CADM1: variants seen among roughly 807,000 people sequenced by gnomAD.
CADM1 encodes the protein TSLC-1.
CADM1 carries 15 observed loss-of-function variants against 53.1 expected under a neutral mutation model. The ratio of observed to expected loss-of-function variants is 0.28; its 90% CI spans 0.19 to 0.44. The LOEUF is 0.44. Among genes scored for constraint, CADM1 ranks in the 20% least tolerant of loss-of-function variants. The probability of loss-of-function intolerance (pLI) is 1.00; values close to 1 mark genes in which losing one functional copy is unlikely to be tolerated. For missense variants in CADM1, 434 were observed against 611.3 expected, an observed-to-expected ratio of 0.71 and a Z score of 3.06; for synonymous variants, 281 against 243.0, an observed-to-expected ratio of 1.16 and a Z score of -1.45.
chr11:115,175,832 T>C lies in CADM1; in HGVS notation c.*642A>G. 1 of 995,560 alleles carries C rather than the reference T, an allele frequency of 1.0e-6. No individual in the cohort carries two copies. Among genetic ancestry groups the C allele is most frequent in the Non-Finnish European group, 1.2e-6 (1 of 836,028 alleles). 61.7% of individuals were successfully genotyped at this position (995,560 alleles called of 1,614,324 possible). A position where few individuals can be genotyped will look rare whatever the true frequency, so the allele number is the denominator to read the frequency against. The stretch of plus-strand genomic sequence containing the variant: ...TTTCTAGTCTTCACTGCTCTAAGTA[T>C]TTGAAACATGGGCAGCAGCAAAGAG... On this transcript the variant is annotated 3_prime_UTR_variant, in exon 12 of 12. Coordinates refer to ENST00000331581, the MANE Select transcript of CADM1 (RefSeq NM_001301043.2).
intron 1 of CADM1, among the ~76,000 whole-genome samples, chr11:115,481,727 C>G (rs1485108802): frequency 1.3e-5 from 2 of 152,154 alleles, no homozygotes; most frequent in African/African-American, 4.8e-5. Context: ...TTAACCTAGA[C>G]TCCTCCTCTT....
At chr11:115,479,088 C>T (rs903419916) in intron 1 of CADM1, among the ~76,000 whole-genome samples, 9 of 152,110 alleles carry the variant, frequency 5.9e-5, no homozygotes, top group Non-Finnish European at 8.8e-5. Flanking sequence ...AAATTATTCA[C>T]TTAGCTTTAA....
intron 1 of CADM1, among the ~76,000 whole-genome samples, chr11:115,413,657 T>TTTTTTTTTTTTTTTTC (rs1565414808): frequency 6.7e-6 from 1 of 150,314 alleles, no homozygotes; most frequent in Non-Finnish European, 1.5e-5. Context: ...TTTTTTTTTT[T>TTTTTTTTTTTTTTTTC]TCTCTGAGAC....
chr11:115,284,524 CAGAA>C, intron 1 of CADM1, among the ~76,000 whole-genome samples: 1 of 148,054 alleles, frequency 6.8e-6, no homozygotes, highest in Non-Finnish European at 1.5e-5. Flanking sequence ...AAAAAAAAAA[CAGAA>C]AGGAAAAACG....
At chr11:115,487,279 G>A (rs1004653342) in intron 1 of CADM1, among the ~76,000 whole-genome samples, 3 of 152,270 alleles carry the variant, frequency 2.0e-5, no homozygotes, top group East Asian at 1.9e-4. Context: ...CCAGATAAAC[G>A]TTATCAAATG....
chr11:115,292,443 A>C (rs931202035), intron 1 of CADM1, among the ~76,000 whole-genome samples: 1 of 152,218 alleles, frequency 6.6e-6, no homozygotes, highest in Non-Finnish European at 1.5e-5. Flanking sequence ...TACATGCCTC[A>C]ACTTCCCTAA....
chr11:115,206,758 C>CTTTGTTTTTTTTTTTTTTT, intron 8 of CADM1, among the ~76,000 whole-genome samples: 1 of 38,232 alleles, frequency 2.6e-5, no homozygotes, highest in Non-Finnish European at 4.5e-5. Flanking sequence ...CTGTGGACTT[C>CTTTGTTTTTTTTTTTTTTT]TTTTTTTTTT....
chr11:115,426,568 C>G (rs1184486593), intron 1 of CADM1, among the ~76,000 whole-genome samples: 1 of 152,172 alleles, frequency 6.6e-6, no homozygotes, highest in Non-Finnish European at 1.5e-5. Flanking sequence ...TGTAGGTGTA[C>G]TTAGCGCAGA....
chr11:115,183,136 G>A (rs1939390125), intron 10 of CADM1, among the ~76,000 whole-genome samples: 1 of 152,200 alleles, frequency 6.6e-6, no homozygotes. Flanking sequence ...AAAGGCAGTA[G>A]TTCCCCAGGG....
At chr11:115,448,252 T>C (rs1235566533) in intron 1 of CADM1, among the ~76,000 whole-genome samples, 2 of 152,188 alleles carry the variant, frequency 1.3e-5, no homozygotes, top group Admixed American at 1.3e-4. Context: ...TGGGCGTATT[T>C]TGACTATCAA....
At chr11:115,448,017 C>A (rs1251846239) in intron 1 of CADM1, among the ~76,000 whole-genome samples, 1 of 152,152 alleles carries the variant, frequency 6.6e-6, no homozygotes, top group Non-Finnish European at 1.5e-5. Flanking sequence ...TATTCCAATA[C>A]CTTGTTACAG....
intron 5 of CADM1, among the ~76,000 whole-genome samples, chr11:115,219,715 T>A (rs765117145): frequency 3.9e-5 from 6 of 152,168 alleles, no homozygotes; most frequent in Non-Finnish European, 5.9e-5. Flanking sequence ...GCTCAAGAGC[T>A]CCTGGGCACC....
At chr11:115,263,934 C>CTA (rs1469778957) in intron 1 of CADM1, among the ~76,000 whole-genome samples, 1 of 152,090 alleles carries the variant, frequency 6.6e-6, no homozygotes. Flanking sequence ...AGTACTATGT[C>CTA]TATATATATC....
At chr11:115,256,114 T>G (rs1253501652) in intron 1 of CADM1, among the ~76,000 whole-genome samples, 1 of 152,206 alleles carries the variant, frequency 6.6e-6, no homozygotes, top group African/African-American at 2.4e-5. Flanking sequence ...ATAAAGCAAG[T>G]GTTCCAAAAT....
intron 1 of CADM1, among the ~76,000 whole-genome samples, chr11:115,394,393 A>C (rs1946935255): frequency 6.6e-6 from 1 of 152,180 alleles, no homozygotes; most frequent in Non-Finnish European, 1.5e-5. Context: ...TTCCTTTATG[A>C]CTTTAGCTTT....
At chr11:115,386,183 G>A (rs1233608507) in intron 1 of CADM1, among the ~76,000 whole-genome samples, 1 of 152,124 alleles carries the variant, frequency 6.6e-6, no homozygotes, top group East Asian at 1.9e-4. Context: ...CCACAAACCC[G>A]TTGTAATTTT....
intron 1 of CADM1, among the ~76,000 whole-genome samples, chr11:115,330,851 G>A (rs988619993): frequency 4.6e-5 from 7 of 152,152 alleles, no homozygotes; most frequent in African/African-American, 1.7e-4. Context: ...TGGGAGCCAG[G>A]AGTCAGTTCA....
intron 1 of CADM1, among the ~76,000 whole-genome samples, chr11:115,319,088 T>C (rs1270511559): frequency 6.6e-6 from 1 of 152,074 alleles, no homozygotes; most frequent in Non-Finnish European, 1.5e-5. Context: ...GGATCCAAGG[T>C]CACTATGGCA....
intron 1 of CADM1, among the ~76,000 whole-genome samples, chr11:115,324,697 G>A (rs1274840523): frequency 6.6e-6 from 1 of 152,166 alleles, no homozygotes; most frequent in Non-Finnish European, 1.5e-5. Flanking sequence ...AAACTGCGAT[G>A]AGGAATGACC....
Sources: allele counts gnomAD v4.1 joint callset (sites outside exome capture counted in the v4.1 genomes callset), GRCh38; gene constraint gnomAD v4.1.1; transcripts MANE v1.5; gene names NCBI Gene and HGNC (gene_info 2026-07-23, HGNC 2026-07-21).